CNTNAP5: variants seen among roughly 807,000 people sequenced by gnomAD.
CNTNAP5 encodes the protein contactin-associated protein-like 5.
In CNTNAP5, 72 loss-of-function variants were observed where a neutral mutation model predicts 150.2. The ratio of observed to expected loss-of-function variants is 0.48; its 90% CI spans 0.40 to 0.58. The LOEUF (loss-of-function observed/expected upper bound fraction) is 0.58, where lower values mean the gene tolerates loss of function less well. Among genes scored for constraint, CNTNAP5 ranks in the 20% least tolerant of loss-of-function variants. The pLI, the probability that CNTNAP5 is intolerant of heterozygous loss-of-function variation, is 0.00. For synonymous variants in CNTNAP5, 672 were observed against 619.8 expected (o/e 1.08, Z -1.25); for missense variants, 1,636 against 1,626.2 (o/e 1.01, Z -0.10).
In CNTNAP5 at chr2:124,504,343, G is replaced by A. The variant is rs1694349974; in HGVS notation, c.1114G>A (p.Val372Ile). 6 of 1,613,900 alleles carry A rather than the reference G, an allele frequency of 3.7e-6. No homozygotes were observed. The highest frequency in any genetic ancestry group is 5.1e-6 in the Non-Finnish European group (6 of 1,179,848). ...SEPQIVPITF[V>I]NSSGSYLLLP... ...ACCACAGATTGTGCCCATCACATTT[G>A]TCAACTCCAGCGGCAGCTATTTGCT... Residue 372 changes from valine (V) to isoleucine (I), a missense_variant, in exon 8 of 24, where the codon GTC (valine) becomes ATC (isoleucine). Val to Ile is a conservative substitution (Grantham distance 29, BLOSUM62 3). Coordinates refer to ENST00000682447, the MANE Select transcript of CNTNAP5 (RefSeq NM_001367498.1).
chr2:124,905,125 T>TG (rs896108285), intron 22 of CNTNAP5, among the ~76,000 whole-genome samples: 5 of 117,732 alleles, frequency 4.2e-5, no homozygotes, highest in African/African-American at 6.8e-5. Flanking sequence ...TGTTTTTTTT[T>TG]GTTTTTTTTT....
At chr2:124,491,627 T>C (rs929786718) in intron 7 of CNTNAP5, among the ~76,000 whole-genome samples, 1 of 152,162 alleles carries the variant, frequency 6.6e-6, no homozygotes, top group Non-Finnish European at 1.5e-5. Flanking sequence ...GAATTGCTAA[T>C]ATGGCAGATC....
In CNTNAP5 at chr2:124,098,728, A is replaced by C. The variant is rs184985156; in HGVS notation, c.82+72996A>C. 5.1e-3 allele frequency among the ~76,000 whole-genome samples: 780 copies of C among 152,076 alleles called. 5 individuals carry two copies. Among genetic ancestry groups the C allele is most frequent in the African/African-American group, 0.017 (725 of 41,520 alleles). ...TACTCTCTGTGTCTGGCGTTGAGAA[A>C]AAACAAACAAACAAACAAACAACTG... On this transcript the variant is annotated intron_variant, in intron 1 of 23. Coordinates refer to ENST00000682447, the MANE Select transcript of CNTNAP5 (RefSeq NM_001367498.1).
intron 6 of CNTNAP5, among the ~76,000 whole-genome samples, chr2:124,472,276 A>G (rs1693535967): frequency 6.6e-6 from 1 of 152,046 alleles, no homozygotes; most frequent in Non-Finnish European, 1.5e-5. Flanking sequence ...AAAACTAAGC[A>G]TTCATTCTTA....
At chr2:124,239,218 T>G (rs2104763079) in intron 2 of CNTNAP5, among the ~76,000 whole-genome samples, 1 of 152,322 alleles carries the variant, frequency 6.6e-6, no homozygotes, top group Non-Finnish European at 1.5e-5. Flanking sequence ...CTTGGTTTGG[T>G]TTAGCTTTGA....
intron 13 of CNTNAP5, among the ~76,000 whole-genome samples, chr2:124,688,237 G>A (rs1679232209): frequency 6.6e-6 from 1 of 151,948 alleles, no homozygotes. Context: ...GATTCTTTTG[G>A]CAATAATATC....
intron 3 of CNTNAP5, among the ~76,000 whole-genome samples, chr2:124,297,843 A>G (rs1688478920): frequency 8.8e-6 from 1 of 113,684 alleles, no homozygotes. Context: ...TATTATTATT[A>G]TTATTATTAT....
intron 4 of CNTNAP5, among the ~76,000 whole-genome samples, chr2:124,433,177 T>C (rs935018722): frequency 6.6e-6 from 1 of 152,200 alleles, no homozygotes; most frequent in African/African-American, 2.4e-5. Context: ...GGCCCCACTT[T>C]GGTCTGGGTG....
intron 2 of CNTNAP5, among the ~76,000 whole-genome samples, chr2:124,241,385 G>T (rs1338484971): frequency 6.7e-6 from 1 of 148,502 alleles, no homozygotes. Flanking sequence ...TTTTGTGTAT[G>T]TTGTTCCCTC....
At chr2:124,879,909 G>A (rs964410054) in intron 21 of CNTNAP5, among the ~76,000 whole-genome samples, 17 of 152,018 alleles carry the variant, frequency 1.1e-4, no homozygotes, top group African/African-American at 2.2e-4. Context: ...TCCCTGCGGC[G>A]GCCTTATAGG....
At chr2:124,804,549 G>T (rs1448203410) in intron 19 of CNTNAP5, among the ~76,000 whole-genome samples, 2 of 152,008 alleles carry the variant, frequency 1.3e-5, no homozygotes, top group African/African-American at 4.8e-5. Context: ...TTATAAGATC[G>T]GAGCCCTAAT....
chr2:124,771,087 G>A (rs10084191), intron 16 of CNTNAP5, among the ~76,000 whole-genome samples: 79,151 of 151,990 alleles, frequency 0.52, 21,235 homozygotes, highest in East Asian at 0.84. Context: ...TGTGTAATGC[G>A]GACTTTGATG....
At chr2:124,140,549 G>A (rs1684097217) in intron 1 of CNTNAP5, among the ~76,000 whole-genome samples, 7 of 81,982 alleles carry the variant, frequency 8.5e-5, no homozygotes, top group Admixed American at 2.8e-4. Flanking sequence ...CACACGGCAG[G>A]GTATTCCAAC....
At chr2:124,488,613 A>T (rs936739195) in intron 7 of CNTNAP5, among the ~76,000 whole-genome samples, 4 of 152,246 alleles carry the variant, frequency 2.6e-5, no homozygotes, top group African/African-American at 9.6e-5. Flanking sequence ...ATAAATGTTG[A>T]ATAAGTGAAT....
chr2:124,732,108 A>G (rs1013508314), intron 13 of CNTNAP5, among the ~76,000 whole-genome samples: 2 of 152,140 alleles, frequency 1.3e-5, no homozygotes, highest in Non-Finnish European at 2.9e-5. Context: ...GTCAGGGATC[A>G]GTGTTATAGC....
chr2:124,735,928 T>C (rs1424279708), intron 13 of CNTNAP5, among the ~76,000 whole-genome samples: 1 of 152,152 alleles, frequency 6.6e-6, no homozygotes, highest in Non-Finnish European at 1.5e-5. Flanking sequence ...GGCAGGTGTA[T>C]TCATAAAATA....
chr2:124,176,291 T>C (rs1225054300), intron 1 of CNTNAP5, among the ~76,000 whole-genome samples: 2 of 152,204 alleles, frequency 1.3e-5, no homozygotes, highest in African/African-American at 4.8e-5. Flanking sequence ...CATGAATTAA[T>C]TTCTATGGAT....
chr2:124,870,131 T>G (rs1475728438), intron 21 of CNTNAP5, among the ~76,000 whole-genome samples: 1 of 152,000 alleles, frequency 6.6e-6, no homozygotes, highest in Non-Finnish European at 1.5e-5. Flanking sequence ...AAAGGCATTG[T>G]AATTTCCTAT....
At chr2:124,749,694 G>C (rs113478950) in intron 14 of CNTNAP5, among the ~76,000 whole-genome samples, 29,705 of 152,054 alleles carry the variant, frequency 0.2, 3,435 homozygotes, top group Middle Eastern at 0.28. Flanking sequence ...GATTACAGGC[G>C]TGAGCCAACG....
Sources: allele counts gnomAD v4.1 joint callset (sites outside exome capture counted in the v4.1 genomes callset), GRCh38; gene constraint gnomAD v4.1.1; transcripts MANE v1.5; gene names NCBI Gene and HGNC (gene_info 2026-07-23, HGNC 2026-07-21).